Variants in GRM5 observed in about 807,000 individuals in gnomAD.
GRM5 encodes the protein metabotropic glutamate receptor 5.
Under a neutral mutation model 83.1 loss-of-function variants are expected in GRM5, and 19 were observed. That is an observed-to-expected ratio of 0.23 (90% CI 0.16 to 0.34). GRM5 has a LOEUF of 0.34. GRM5 is among the 10% of genes least tolerant of loss of function. The pLI is 1.00. For missense variants in GRM5, 1,160 were observed against 1,588.3 expected, an observed-to-expected ratio of 0.73 and a Z score of 4.58; for synonymous variants, 675 against 633.6, an observed-to-expected ratio of 1.07 and a Z score of -0.98.
intron 2 of GRM5, among the ~76,000 whole-genome samples, chr11:88,924,287 A>G (rs1348842961): frequency 6.6e-6 from 1 of 152,052 alleles, no homozygotes; most frequent in East Asian, 1.9e-4. Context: ...CTATAAAACC[A>G]GCAATACCTC....
At chr11:88,937,866 G>T (rs1937951632) in intron 2 of GRM5, among the ~76,000 whole-genome samples, 1 of 151,706 alleles carries the variant, frequency 6.6e-6, no homozygotes, top group Admixed American at 6.6e-5. Flanking sequence ...GCATGAAATT[G>T]TATCTCACAC....
In GRM5 at chr11:89,047,924, G is replaced by A. The variant is rs894870542; in HGVS notation, c.-52C>T. On this transcript the variant is annotated 5_prime_UTR_variant, in exon 2 of 10. Coordinates refer to ENST00000305447, the MANE Select transcript of GRM5 (RefSeq NM_001143831.3). The surrounding 1 kb of genome is among the most constrained non-coding windows in gnomAD (Gnocchi z 5.1). ...AGATAGCATGGTGGGGAAAATTCAGGAGGGTTCTGATAGCTACGAACAAGC... is the reference window on the plus strand; with the variant it reads ...AGATAGCATGGTGGGGAAAATTCAGAAGGGTTCTGATAGCTACGAACAAGC... The A allele has an allele frequency of 2.8e-6, 4 of 1,429,624 alleles. No homozygotes were observed. Among genetic ancestry groups the A allele is most frequent in the Admixed American group, 3.5e-5 (2 of 57,866 alleles). The allele number at this position is 1,429,624 out of a possible 1,614,324, so 88.6% of individuals were successfully genotyped here. A position where few individuals can be genotyped will look rare whatever the true frequency, so the allele number is the denominator to read the frequency against.
intron 2 of GRM5, among the ~76,000 whole-genome samples, chr11:88,989,849 C>T (rs146751323): frequency 0.037 from 5,645 of 151,354 alleles, 332 homozygotes; most frequent in African/African-American, 0.13. Context: ...ATCTCTGGGA[C>T]GCATTCAAAG....
chr11:88,564,625 A>T (rs904341860), intron 8 of GRM5, among the ~76,000 whole-genome samples: 2 of 152,132 alleles, frequency 1.3e-5, no homozygotes, highest in Non-Finnish European at 2.9e-5. Context: ...AGACAAGCAA[A>T]AAAAGTACCT....
intron 2 of GRM5, among the ~76,000 whole-genome samples, chr11:88,968,706 A>G (rs1939070664): frequency 1.3e-5 from 2 of 152,098 alleles, no homozygotes; most frequent in Admixed American, 6.6e-5. Flanking sequence ...AAAGTGTTCA[A>G]GATTTTTTTA....
At chr11:88,885,763 T>C (rs892030801) in intron 2 of GRM5, among the ~76,000 whole-genome samples, 17 of 152,114 alleles carry the variant, frequency 1.1e-4, no homozygotes, top group African/African-American at 3.6e-4. Flanking sequence ...GTCACACTTT[T>C]TACCTCATGA....
intron 3 of GRM5, among the ~76,000 whole-genome samples, chr11:88,725,771 T>G (rs567183937): frequency 1.3e-5 from 2 of 152,138 alleles, no homozygotes; most frequent in African/African-American, 4.8e-5. Context: ...TCCAGCAAAC[T>G]CCAGCAGACC....
At chr11:88,597,776 T>C (rs1937857868) in intron 5 of GRM5, among the ~76,000 whole-genome samples, 1 of 152,152 alleles carries the variant, frequency 6.6e-6, no homozygotes, top group South Asian at 2.1e-4. Context: ...TTAGGGGATA[T>C]AGGGATAATT....
At chr11:88,900,070 T>G (rs1945291074) in intron 2 of GRM5, among the ~76,000 whole-genome samples, 3 of 152,124 alleles carry the variant, frequency 2.0e-5, no homozygotes, top group Admixed American at 6.6e-5. Context: ...TAAACAACTC[T>G]GCTGGTAATT....
intron 8 of GRM5, among the ~76,000 whole-genome samples, chr11:88,534,337 C>T (rs867442642): frequency 6.6e-6 from 1 of 152,250 alleles, no homozygotes; most frequent in South Asian, 2.1e-4. Flanking sequence ...GGAGGCTGTA[C>T]TCTTCAAAGC....
chr11:88,719,097 G>C (rs910409326), intron 3 of GRM5, among the ~76,000 whole-genome samples: 2 of 151,230 alleles, frequency 1.3e-5, no homozygotes, highest in Non-Finnish European at 2.9e-5. Flanking sequence ...AAGTTCAGGG[G>C]TACAAGTGCA....
chr11:88,894,591 C>CT (rs779235353), intron 2 of GRM5, among the ~76,000 whole-genome samples: 2 of 152,074 alleles, frequency 1.3e-5, no homozygotes, highest in African/African-American at 2.4e-5. Context: ...AATTTCAGAA[C>CT]TTTTTTCTGG....
rs528026796 is a variant in GRM5, at chr11:88,675,830, A to C, written c.912-22427T>G. Among the ~76,000 whole-genome samples, 20 of 152,182 alleles carry C rather than the reference A, an allele frequency of 1.3e-4. 1 individual carries two copies. The South Asian group carries it at 4.1e-3, about 32-fold the overall frequency. On this transcript the variant is annotated intron_variant, in intron 3 of 9. Transcript: ENST00000305447. Reference sequence around the variant, plus strand: ...TTCTGTAAATGTTTGTATAATCAGCAACAAGCAAGAATTGGGAGTCCAATG... The same window carrying C: ...TTCTGTAAATGTTTGTATAATCAGCCACAAGCAAGAATTGGGAGTCCAATG...
In GRM5 at chr11:88,906,423, T is replaced by G. The variant is rs560300248; in HGVS notation, c.662-56268A>C. 3.3e-5 allele frequency among the ~76,000 whole-genome samples: 5 copies of G among 152,266 alleles called. 1 individual carries two copies. In the South Asian group the frequency reaches 1.0e-3, roughly 32 times the overall value. On this transcript the variant is annotated intron_variant, in intron 2 of 9. Transcript: ENST00000305447. ...CATGAGATTATCTCACCAGATGGCT[T>G]ACTTAAATATTTGTACCATTGTAGA...
rs1269928190 is a variant in GRM5, at chr11:88,582,007, C to T, written c.1690+8594G>A. Reference sequence around the variant, plus strand: ...GACCTGGTTAATTTCCTCTCATCAACGTTTACTCCCATCCTAGCACTTTCT... The same window carrying T: ...GACCTGGTTAATTTCCTCTCATCAATGTTTACTCCCATCCTAGCACTTTCT... On this transcript the variant is annotated intron_variant, in intron 7 of 9. Transcript: ENST00000305447. Among the ~76,000 whole-genome samples the T allele has an allele frequency of 3.9e-5, 6 of 152,248 alleles. No individual in the cohort carries two copies. In the South Asian group the frequency reaches 8.3e-4, roughly 21 times the overall value.
In GRM5 at chr11:88,870,208, T is replaced by A. The variant is rs149967836; in HGVS notation, c.662-20053A>T. 1.7e-3 allele frequency among the ~76,000 whole-genome samples: 255 copies of A among 151,604 alleles called. 2 individuals carry two copies. The East Asian group carries it at 0.018, about 11-fold the overall frequency. On this transcript the variant is annotated intron_variant, in intron 2 of 9. Transcript: ENST00000305447. ...ATTTTTCTGAATCATAGGGCCCATA[T>A]GGGTGAACAATGGGAGAAAGCACTA...
intron 3 of GRM5, among the ~76,000 whole-genome samples, chr11:88,815,238 A>G (rs1943654876): frequency 6.6e-6 from 1 of 152,228 alleles, no homozygotes; most frequent in African/African-American, 2.4e-5. Context: ...ACTTTTGACC[A>G]CAATAGAATT....
chr11:89,051,287 G>T (rs769720477), intron 1 of GRM5, among the ~76,000 whole-genome samples: 2 of 151,066 alleles, frequency 1.3e-5, no homozygotes, highest in Non-Finnish European at 3.0e-5. Context: ...ACAGAAGAAT[G>T]AAATAAAGGC....
intron 8 of GRM5, among the ~76,000 whole-genome samples, chr11:88,535,295 A>G (rs1203133801): frequency 6.6e-6 from 1 of 152,196 alleles, no homozygotes; most frequent in Non-Finnish European, 1.5e-5. Flanking sequence ...TTAGCCAATG[A>G]TCATGGGAGA....
Sources: gnomAD v4.1 joint callset for allele counts (sites outside exome capture counted in the v4.1 genomes callset) on GRCh38, gnomAD v4.1.1 for gene constraint, Gnocchi (gnomAD v3.1) non-coding constraint, MANE v1.5 for transcripts, NCBI Gene and HGNC (gene_info 2026-07-23, HGNC 2026-07-21) for gene names.